TMEM43: variants seen among roughly 807,000 people sequenced by gnomAD.
TMEM43 encodes arrhythmogenic right ventricular dysplasia 5.
TMEM43 carries 45 observed loss-of-function variants against 49.6 expected under a neutral mutation model. The observed-to-expected ratio is 0.91, with a 90% CI of 0.71 to 1.16. The LOEUF is 1.16. Ranked by LOEUF, TMEM43 falls within the 50% of genes most tolerant of loss-of-function variation. The probability of loss-of-function intolerance (pLI) is 0.00; values close to 1 mark genes in which losing one functional copy is unlikely to be tolerated. For missense variants in TMEM43, 532 were observed against 516.6 expected, an observed-to-expected ratio of 1.03 and a Z score of -0.29; for synonymous variants, 199 against 207.8, an observed-to-expected ratio of 0.96 and a Z score of 0.36.
chr3:14,131,175 G>A (rs1695090654), intron 3 of TMEM43, among the ~76,000 whole-genome samples: 1 of 152,240 alleles, frequency 6.6e-6, no homozygotes, highest in South Asian at 2.1e-4. Context: ...GGCCAGCCTT[G>A]AGGATTTGGT....
intron 8 of TMEM43, 79 bp from the exon 9 acceptor site, chr3:14,135,079 G>A (rs1468338656): frequency 6.7e-7 from 1 of 1,497,896 alleles, no homozygotes; most frequent in Non-Finnish European, 9.2e-7. Context: ...AGCCTGAGGG[G>A]CGTAGCCGAG....
At position 14,141,821 on chromosome 3, in the gene TMEM43, C is replaced by T; in HGVS notation, c.*26C>T. ...AAAGACCCTGGCACCCGCCCGACAC[C>T]TGCGTGAGCCCTAGGATCCAGGTCC... On this transcript the variant is annotated 3_prime_UTR_variant, in exon 12 of 12. Coordinates refer to ENST00000306077, the MANE Select transcript of TMEM43 (RefSeq NM_024334.3). 6.2e-7 allele frequency: 1 copy of T among 1,602,644 alleles called. No individual in the cohort carries two copies. Among genetic ancestry groups the T allele is most frequent in the Non-Finnish European group, 8.5e-7 (1 of 1,176,122 alleles).
chr3:14,131,482 T>C (rs1463526477), intron 3 of TMEM43, 98 bp from the exon 4 acceptor site: 1 of 983,706 alleles, frequency 1.0e-6, no homozygotes, highest in South Asian at 1.4e-5. Context: ...CCCTTCTCTA[T>C]TTCTTCCTCT....
At position 14,133,741 on chromosome 3, in the gene TMEM43, C is replaced by T. The variant is rs553757132; in HGVS notation, c.515C>T (p.Ala172Val). The change falls in exon 7 of 12, where the codon GCC (alanine) becomes GTC (valine). Residue 172 changes from alanine (A) to valine (V), a missense_variant and splice_region_variant. Ala to Val is a moderately conservative substitution (Grantham distance 64, BLOSUM62 0). Coordinates refer to ENST00000306077, the MANE Select transcript of TMEM43 (RefSeq NM_024334.3). ...DREIGHKNPS[A>V]MAVESFMATA... ...TGACAGCTTCCTCTCTCCCACAGTG[C>T]CATGGCAGTGGAGTCATTCATGGCA... The T allele has an allele frequency of 1.9e-6, 3 of 1,614,130 alleles. No homozygotes were observed. Among genetic ancestry groups the T allele is most frequent in the African/African-American group, 2.7e-5 (2 of 75,042 alleles).
intron 2 of TMEM43, 75 bp from the exon 3 acceptor site, chr3:14,130,747 T>G (rs2124986736): frequency 6.4e-7 from 1 of 1,573,380 alleles, no homozygotes; most frequent in East Asian, 2.3e-5. Context: ...CATCCTACCC[T>G]AATACTTTGC....
intron 4 of TMEM43, 91 bp downstream of exon 4, chr3:14,131,765 C>A: frequency 1.1e-6 from 1 of 900,478 alleles, no homozygotes; most frequent in Non-Finnish European, 1.8e-6. Flanking sequence ...ATTTTGATAC[C>A]TTTGAAACTC....
rs201869731 is a variant in TMEM43, at chr3:14,130,993, C to T, written c.297+37C>T. 91 of 1,593,380 alleles carry T rather than the reference C, an allele frequency of 5.7e-5. 1 individual carries two copies. In the Middle Eastern group the frequency reaches 1.0e-3, roughly 18 times the overall value. The stretch of plus-strand genomic sequence containing the variant: ...AGGGGATGCTGACCTGCCAGTGGCT[C>T]GGGGCTCATCCTGGATGTTGTCTGG... On this transcript the variant is annotated intron_variant, in intron 3 of 11. Transcript: ENST00000306077.
intron 2 of TMEM43, among the ~76,000 whole-genome samples, chr3:14,130,433 C>T (rs180983762): frequency 3.9e-4 from 60 of 152,002 alleles, no homozygotes; most frequent in African/African-American, 1.3e-3. Context: ...GTCAGAAGTT[C>T]GAAAGCAGCC....
At chr3:14,130,710 G>C in intron 2 of TMEM43, 112 bp from the exon 3 acceptor site, 1 of 1,383,032 alleles carries the variant, frequency 7.2e-7, no homozygotes, top group Non-Finnish European at 9.8e-7. Context: ...ACGGTGGGGA[G>C]ATGGGTCTCA....
chr3:14,132,860 G>T lies in TMEM43; in HGVS notation c.443-6G>T. 1 of 1,613,922 alleles carries T rather than the reference G, an allele frequency of 6.2e-7. No homozygotes were observed. On this transcript the variant is annotated splice_polypyrimidine_tract_variant and splice_region_variant and intron_variant, in intron 5 of 11. Coordinates refer to ENST00000306077, the MANE Select transcript of TMEM43 (RefSeq NM_024334.3). ...GGGCTCTGAGTTGATTCCTCTCCCT[G>T]AGCAGACACTGAATGGAGGTCAGAA... is the stretch of plus-strand genomic sequence containing the variant.
intron 3 of TMEM43, 114 bp from the exon 4 acceptor site, chr3:14,131,466 C>A: frequency 1.2e-6 from 1 of 860,002 alleles, no homozygotes; most frequent in Non-Finnish European, 1.9e-6. Context: ...GCTCTCCACC[C>A]TTGTCCCCTT....
At chr3:14,128,767 CTCCTAGGTATAT>C (rs1263803079) in intron 1 of TMEM43, 3 of 270,644 alleles carry the variant, frequency 1.1e-5, no homozygotes, top group Non-Finnish European at 2.2e-5. Flanking sequence ...AGCAGTTGTA[CTCCTAGGTATAT>C]TCCTACGGGA....
chr3:14,135,070 G>A, intron 8 of TMEM43, 88 bp from the exon 9 acceptor site: 1 of 1,488,196 alleles, frequency 6.7e-7, no homozygotes, highest in Non-Finnish European at 9.3e-7. Flanking sequence ...TGGGAGAAGA[G>A]CCTGAGGGGC....
chr3:14,135,374 A>G lies in TMEM43; in HGVS notation c.780+142A>G, dbSNP rs533964260. On this transcript the variant is annotated intron_variant, in intron 9 of 11. Transcript: ENST00000306077. ...CTCTCGCACACACTCTCAGCCAGGC[A>G]CGCTTCTGAGCAGTTTCAGAGCTCC... 8.4e-5 allele frequency: 64 copies of G among 758,142 alleles called. No homozygotes were observed. In the African/African-American group the frequency reaches 1.0e-3, roughly 12 times the overall value. The allele number at this position is 758,142 out of a possible 1,614,324, so 47.0% of individuals were successfully genotyped here.
chr3:14,141,449 G>A, intron 11 of TMEM43, 144 bp from the exon 12 acceptor site: 2 of 837,668 alleles, frequency 2.4e-6, no homozygotes, highest in African/African-American at 1.7e-5. Context: ...TCAGAACGAA[G>A]CTCCTTGCCT....
At chr3:14,131,127 C>T (rs571399012) in intron 3 of TMEM43, among the ~76,000 whole-genome samples, 171 bp downstream of exon 3, 6 of 152,124 alleles carry the variant, frequency 3.9e-5, no homozygotes, top group South Asian at 2.1e-4. Context: ...TCAGTGTCTT[C>T]GTGTATAAAA....
chr3:14,125,888 T>C (rs1199928374), intron 1 of TMEM43, among the ~76,000 whole-genome samples: 1 of 152,140 alleles, frequency 6.6e-6, no homozygotes, highest in Non-Finnish European at 1.5e-5. Flanking sequence ...GGGAAACTAT[T>C]TAAGCCCAAC....
intron 1 of TMEM43, 133 bp downstream of exon 1, chr3:14,125,338 G>T: frequency 1.8e-6 from 2 of 1,117,868 alleles, no homozygotes; most frequent in Admixed American, 2.0e-5. Context: ...CCCTCTGCTC[G>T]CCGTGTCTGT....
At chr3:14,131,489 C>T in intron 3 of TMEM43, 91 bp from the exon 4 acceptor site, 1 of 1,047,096 alleles carries the variant, frequency 9.6e-7, no homozygotes, top group Non-Finnish European at 1.5e-6. Flanking sequence ...CTATTTCTTC[C>T]TCTTCCAGTC....
Sources: gnomAD v4.1 joint callset for allele counts (sites outside exome capture counted in the v4.1 genomes callset) on GRCh38, gnomAD v4.1.1 for gene constraint, MANE v1.5 for transcripts, NCBI Gene and HGNC (gene_info 2026-07-23, HGNC 2026-07-21) for gene names.